DGLUCY: variants seen among roughly 807,000 people sequenced by gnomAD.
DGLUCY encodes the protein D-glutamate cyclase.
Under a neutral mutation model 58.5 loss-of-function variants are expected in DGLUCY, and 58 were observed. The observed-to-expected ratio is 0.99, with a 90% CI of 0.80 to 1.23. The LOEUF (loss-of-function observed/expected upper bound fraction) is 1.23. DGLUCY is among the 50% of genes most tolerant of loss of function. DGLUCY has a pLI of 0.00. For synonymous variants in DGLUCY, 325 were observed against 314.1 expected, an observed-to-expected ratio of 1.03 and a Z score of -0.37; for missense variants, 779 against 784.7, an observed-to-expected ratio of 0.99 and a Z score of 0.09.
chr14:91,185,360 G>C (rs751772468), intron 8 of DGLUCY: 12 of 134,290 alleles, frequency 8.9e-5, no homozygotes, highest in African/African-American at 3.4e-4. Context: ...ATAGGTCACT[G>C]CAGCCTCACT....
At chr14:91,199,933 A>G in intron 11 of DGLUCY, 28 bp downstream of exon 11, 4 of 1,613,368 alleles carry the variant, frequency 2.5e-6, no homozygotes, top group Middle Eastern at 1.7e-4. Flanking sequence ...GGGATGCACC[A>G]AGAACGTGGC....
chr14:91,170,740 A>G (rs1408574983), intron 5 of DGLUCY, among the ~76,000 whole-genome samples: 1 of 152,066 alleles, frequency 6.6e-6, no homozygotes, highest in Non-Finnish European at 1.5e-5. Flanking sequence ...CCTACTTGTC[A>G]AGGTGAGTGC....
chr14:91,222,451 A>T (rs1887655597), intron 13 of DGLUCY, among the ~76,000 whole-genome samples: 1 of 152,328 alleles, frequency 6.6e-6, no homozygotes, highest in Middle Eastern at 3.4e-3. Context: ...GAGAAGCGAG[A>T]GGAAGAAGCC....
chr14:91,095,553 T>G (rs2044380586), intron 1 of DGLUCY, among the ~76,000 whole-genome samples: 1 of 152,218 alleles, frequency 6.6e-6, no homozygotes. Context: ...TACACCATAG[T>G]TCAATCTGTT....
At chr14:91,172,467 C>T (rs536068422) in intron 5 of DGLUCY, among the ~76,000 whole-genome samples, 7 of 152,328 alleles carry the variant, frequency 4.6e-5, no homozygotes, top group Admixed American at 3.9e-4. Flanking sequence ...TCAGCAGACC[C>T]TGTGACTTCA....
At chr14:91,104,124 G>T (rs1012835445), upstream of DGLUCY, among the ~76,000 whole-genome samples, 14 of 145,394 alleles carry the variant, frequency 9.6e-5, no homozygotes, top group East Asian at 7.9e-4. Context: ...GTGCAGTGGT[G>T]CGATCTCGGC....
chr14:91,150,472 C>T (rs1012883315), intron 1 of DGLUCY, among the ~76,000 whole-genome samples: 6 of 152,038 alleles, frequency 3.9e-5, no homozygotes, highest in Admixed American at 6.6e-5. Context: ...GAGAGAATGT[C>T]TCACTGTCCC....
At chr14:91,075,801 G>C (rs1361856447) in intron 1 of DGLUCY, among the ~76,000 whole-genome samples, 1 of 152,196 alleles carries the variant, frequency 6.6e-6, no homozygotes, top group African/African-American at 2.4e-5. Flanking sequence ...CTGTGTGCCA[G>C]TGCTACAGAG....
At chr14:91,064,016 T>C (rs1396189263) in intron 1 of DGLUCY, among the ~76,000 whole-genome samples, 1 of 152,148 alleles carries the variant, frequency 6.6e-6, no homozygotes, top group Non-Finnish European at 1.5e-5. Flanking sequence ...CATTTCTATG[T>C]TTATATTTTG....
chr14:91,218,113 AG>A (rs1216337207), intron 13 of DGLUCY, among the ~76,000 whole-genome samples: 1 of 152,082 alleles, frequency 6.6e-6, no homozygotes, highest in Non-Finnish European at 1.5e-5. Flanking sequence ...GAGATGGGGG[AG>A]GGGGAGCTCA....
At chr14:91,131,009 A>G (rs1160512400) in intron 1 of DGLUCY, among the ~76,000 whole-genome samples, 3 of 151,868 alleles carry the variant, frequency 2.0e-5, no homozygotes, top group African/African-American at 4.8e-5. Flanking sequence ...GTGCAGGGGC[A>G]AGAACATGAC....
upstream of DGLUCY, among the ~76,000 whole-genome samples, chr14:91,105,505 G>A (rs887594459): frequency 2.0e-5 from 3 of 152,168 alleles, no homozygotes; most frequent in Non-Finnish European, 2.9e-5. Context: ...TTTTCCTGAC[G>A]TGCAAAGCAG....
In DGLUCY at chr14:91,199,938, C is replaced by T. The variant is rs367791039; in HGVS notation, c.1444+33C>T. The T allele has an allele frequency of 2.9e-5, 46 of 1,612,568 alleles. No individual in the cohort carries two copies. In the Middle Eastern group the frequency reaches 1.2e-3, roughly 40 times the overall value. Reference sequence around the variant, plus strand: ...TGGAGTACTGGGGATGCACCAAGAACGTGGCCCCATGAAGTGTCTTTTGTT... The same window carrying T: ...TGGAGTACTGGGGATGCACCAAGAATGTGGCCCCATGAAGTGTCTTTTGTT... On this transcript the variant is annotated intron_variant, in intron 11 of 13. Transcript: ENST00000256324.
At chr14:91,187,760 C>G (rs532797004) in intron 8 of DGLUCY, among the ~76,000 whole-genome samples, 1 of 152,190 alleles carries the variant, frequency 6.6e-6, no homozygotes, top group Non-Finnish European at 1.5e-5. Flanking sequence ...TCCTGTCCTC[C>G]GAGGACCCCA....
intron 5 of DGLUCY, among the ~76,000 whole-genome samples, chr14:91,171,893 C>T (rs2048591205): frequency 6.6e-6 from 1 of 152,146 alleles, no homozygotes; most frequent in African/African-American, 2.4e-5. Context: ...TGAACACCAG[C>T]TCCTCCTGTG....
chr14:91,167,534 C>A, intron 4 of DGLUCY, 156 bp downstream of exon 4: 1 of 960,820 alleles, frequency 1.0e-6, no homozygotes, highest in Non-Finnish European at 1.6e-6. Flanking sequence ...GAACGAGCTG[C>A]CCTCCCCACT....
intron 1 of DGLUCY, among the ~76,000 whole-genome samples, chr14:91,082,850 C>T (rs986631554): frequency 2.6e-5 from 4 of 152,078 alleles, no homozygotes; most frequent in Admixed American, 6.5e-5. Context: ...ACCTCCTGGG[C>T]TCAAGCAATC....
intron 1 of DGLUCY, among the ~76,000 whole-genome samples, chr14:91,101,047 G>A (rs2044477937): frequency 6.6e-6 from 1 of 151,972 alleles, no homozygotes; most frequent in Non-Finnish European, 1.5e-5. Flanking sequence ...CCCCAGCCTG[G>A]GCAACAGAGC....
chr14:91,161,623 A>G (rs1162639549), intron 3 of DGLUCY, among the ~76,000 whole-genome samples: 1 of 152,118 alleles, frequency 6.6e-6, no homozygotes, highest in African/African-American at 2.4e-5. Context: ...ACAGATTCCA[A>G]GAGAATAAGT....
Sources: allele counts gnomAD v4.1 joint callset (sites outside exome capture counted in the v4.1 genomes callset), GRCh38; gene constraint gnomAD v4.1.1; transcripts MANE v1.5; gene names NCBI Gene and HGNC (gene_info 2026-07-23, HGNC 2026-07-21).